ERGIC1: variants seen among roughly 807,000 people sequenced by gnomAD.
ERGIC1 encodes endoplasmic reticulum-Golgi intermediate compartment protein 1.
In ERGIC1, 19 loss-of-function variants were observed where a neutral mutation model predicts 38.3. The observed-to-expected ratio is 0.50, with a 90% CI of 0.35 to 0.73. The LOEUF (loss-of-function observed/expected upper bound fraction) is 0.73, where lower values mean the gene tolerates loss of function less well. Among genes scored for constraint, ERGIC1 ranks in the 30% least tolerant of loss-of-function variants. The pLI, the probability that ERGIC1 is intolerant of heterozygous loss-of-function variation, is 0.01. For synonymous variants in ERGIC1, 124 were observed against 157.6 expected (o/e 0.79, Z 1.60); for missense variants, 294 against 389.2 (o/e 0.76, Z 2.06).
chr5:172,935,228 C>A lies in ERGIC1; in HGVS notation c.683C>A (p.Ala228Glu), dbSNP rs1344028333. The part of the protein sequence containing the change: ...AYSHTGRIIP[A>E]IWFRYDLSPI... ...AGCCACACGGGCCGCATCATCCCTG[C>A]AATCTGGTTCCGCTACGACCTCAGC... Residue 228 changes from alanine (A) to glutamate (E), a missense_variant, in exon 9 of 10, where the codon GCA becomes GAA. Coordinates refer to ENST00000393784, the MANE Select transcript of ERGIC1 (RefSeq NM_001031711.3). 8 of 1,614,074 alleles carry A rather than the reference C, an allele frequency of 5.0e-6. No individual in the cohort carries two copies. The highest frequency in any genetic ancestry group is 6.8e-6 in the Non-Finnish European group (8 of 1,180,038).
At chr5:172,934,139 C>T (rs1763837801) in intron 8 of ERGIC1, 1 of 152,306 alleles carries the variant, frequency 6.6e-6, no homozygotes. Context: ...CGCACTCTGC[C>T]CTGGGAGCAG....
chr5:172,927,451 CT>C (rs1763680538), intron 7 of ERGIC1, among the ~76,000 whole-genome samples: 1 of 152,026 alleles, frequency 6.6e-6, no homozygotes, highest in African/African-American at 2.4e-5. Context: ...ACTCACTTTT[CT>C]TTTTTTCCAA....
chr5:172,937,027 C>A (rs1299885167), intron 9 of ERGIC1: 1 of 152,070 alleles, frequency 6.6e-6, no homozygotes, highest in African/African-American at 2.4e-5. Flanking sequence ...AGAAAACAGA[C>A]AGAGAGATAC....
chr5:172,901,213 T>C (rs1762867136), intron 3 of ERGIC1, among the ~76,000 whole-genome samples: 1 of 152,186 alleles, frequency 6.6e-6, no homozygotes, highest in African/African-American at 2.4e-5. Context: ...ATCAGTGACA[T>C]AAGACGCTTA....
At position 172,834,507 on chromosome 5, in the gene ERGIC1, C is replaced by T. The variant is rs1198046560; in HGVS notation, c.20+74C>T. On this transcript the variant is annotated intron_variant, in intron 1 of 9. Coordinates refer to ENST00000393784, the MANE Select transcript of ERGIC1 (RefSeq NM_001031711.3). This position sits in a 1 kb window ranked among gnomAD's most constrained non-coding sequence, Gnocchi z 4.1. ...GGAGCGCCCCGGCACGCCGCGGACC[C>T]CTCCCGCCCTGCATGCAAAAGCGGC... 1.6e-6 allele frequency: 2 copies of T among 1,243,566 alleles called. No homozygotes were observed. Among genetic ancestry groups the T allele is most frequent in the African/African-American group, 3.1e-5 (2 of 64,182 alleles). The allele number at this position is 1,243,566 out of a possible 1,614,324, so 77.0% of individuals were successfully genotyped here.
intron 2 of ERGIC1, among the ~76,000 whole-genome samples, chr5:172,894,131 A>AT (rs1402232060): frequency 6.7e-5 from 2 of 30,052 alleles, no homozygotes; most frequent in Non-Finnish European, 1.3e-4. Context: ...TGCTGATGAT[A>AT]CTTTTTTTTT....
chr5:172,874,479 T>A (rs1187063296), intron 1 of ERGIC1, among the ~76,000 whole-genome samples: 1 of 152,178 alleles, frequency 6.6e-6, no homozygotes, highest in East Asian at 1.9e-4. Context: ...CACAAGTGCT[T>A]CTCCTGAACC....
intron 1 of ERGIC1, among the ~76,000 whole-genome samples, chr5:172,858,087 G>A (rs1039645370): frequency 2.6e-5 from 4 of 152,190 alleles, no homozygotes; most frequent in East Asian, 1.9e-4. Flanking sequence ...TGAGGCCTGC[G>A]TCTTCTAGGG....
chr5:172,877,408 ATATGTGTG>A (rs1374594178), intron 1 of ERGIC1, among the ~76,000 whole-genome samples: 1 of 116,760 alleles, frequency 8.6e-6, no homozygotes, highest in Non-Finnish European at 1.8e-5. Context: ...AATATTATAT[ATATGTGTG>A]TGTGTGTGTG....
intron 3 of ERGIC1, among the ~76,000 whole-genome samples, chr5:172,902,459 G>A (rs1325496936): frequency 1.3e-5 from 2 of 152,228 alleles, no homozygotes; most frequent in African/African-American, 4.8e-5. Flanking sequence ...GGGCGTCTGA[G>A]TGTGGAGTGA....
At chr5:172,864,790 T>A (rs114982062) in intron 1 of ERGIC1, among the ~76,000 whole-genome samples, 2 of 151,796 alleles carry the variant, frequency 1.3e-5, no homozygotes, top group Non-Finnish European at 2.9e-5. Flanking sequence ...GGCACAGTGC[T>A]GAACACTGTC....
rs1270904565 is a variant in ERGIC1, at chr5:172,908,805, C to T, written c.156-862C>T. Among the ~76,000 whole-genome samples, 3 of 152,182 alleles carry T rather than the reference C, an allele frequency of 2.0e-5. No individual in the cohort carries two copies. In the East Asian group the frequency reaches 5.8e-4, roughly 29 times the overall value. ...TTGTGATAATTTGTTACAGCAGCCA[C>T]AGGAAATTAATACAGCCGTCAAGTC... On this transcript the variant is annotated intron_variant, in intron 3 of 9. Coordinates refer to ENST00000393784, the MANE Select transcript of ERGIC1 (RefSeq NM_001031711.3).
intron 3 of ERGIC1, among the ~76,000 whole-genome samples, chr5:172,908,830 C>T (rs1380045702): frequency 6.6e-6 from 1 of 152,210 alleles, no homozygotes; most frequent in African/African-American, 2.4e-5. Context: ...GCCGTCAAGT[C>T]GTTTCTCAGA....
intron 9 of ERGIC1, among the ~76,000 whole-genome samples, chr5:172,944,789 C>A (rs939875596): frequency 6.6e-6 from 1 of 152,238 alleles, no homozygotes; most frequent in African/African-American, 2.4e-5. Context: ...GCATCGCTTT[C>A]CAGGTGCAGG....
At chr5:172,889,292 A>AG (rs895054649) in intron 2 of ERGIC1, among the ~76,000 whole-genome samples, 6 of 152,130 alleles carry the variant, frequency 3.9e-5, no homozygotes, top group African/African-American at 1.2e-4. Flanking sequence ...CTAAAAAAAA[A>AG]CAGTAGCTGC....
chr5:172,933,755 C>G (rs986543361), intron 8 of ERGIC1: 3 of 152,242 alleles, frequency 2.0e-5, no homozygotes, highest in Admixed American at 6.5e-5. Flanking sequence ...CAGGACCACG[C>G]TGCAGTTCAA....
chr5:172,882,870 G>A (rs1470646055), intron 1 of ERGIC1, among the ~76,000 whole-genome samples: 3 of 152,054 alleles, frequency 2.0e-5, no homozygotes, highest in Admixed American at 1.3e-4. Context: ...TCAAATTCAG[G>A]TGCCTACAAG....
At chr5:172,935,033 A>G in intron 8 of ERGIC1, 155 bp from the exon 9 acceptor site, 1 of 1,062,156 alleles carries the variant, frequency 9.4e-7, no homozygotes, top group Non-Finnish European at 1.4e-6. Context: ...CTCCAGGGGA[A>G]GGGATGTGAG....
At chr5:172,842,417 C>T (rs1761182958) in intron 1 of ERGIC1, among the ~76,000 whole-genome samples, 1 of 151,984 alleles carries the variant, frequency 6.6e-6, no homozygotes. Flanking sequence ...CAATATTTAC[C>T]CATTAATAGA....
Sources: gnomAD v4.1 joint callset for allele counts (sites outside exome capture counted in the v4.1 genomes callset) on GRCh38, gnomAD v4.1.1 for gene constraint, Gnocchi (gnomAD v3.1) non-coding constraint, MANE v1.5 for transcripts, NCBI Gene and HGNC (gene_info 2026-07-23, HGNC 2026-07-21) for gene names.